ZNF536: variants seen among roughly 807,000 people sequenced by gnomAD.
The protein encoded by ZNF536 is zinc finger protein 536.
A neutral mutation model predicts 84.5 loss-of-function variants in ZNF536; 13 were observed. That is an observed-to-expected ratio of 0.15 (90% CI 0.10 to 0.24). The LOEUF is 0.24. ZNF536 is among the 10% of genes least tolerant of loss of function. The pLI, the probability that ZNF536 is intolerant of heterozygous loss-of-function variation, is 1.00. For missense variants in ZNF536, 1,536 were observed against 1,747.5 expected (o/e 0.88, Z 2.16); for synonymous variants, 811 against 742.5 (o/e 1.09, Z -1.50).
intron 2 of ZNF536, among the ~76,000 whole-genome samples, chr19:30,515,136 C>T (rs904201325): frequency 6.6e-6 from 1 of 152,126 alleles, no homozygotes; most frequent in Non-Finnish European, 1.5e-5. Flanking sequence ...GTGACTCACA[C>T]CTGTAGTCCC....
chr19:30,439,959 C>CTTTTTTTTTTTTTTTTTTTTTTTTTTTTT (rs199638233), intron 1 of ZNF536, among the ~76,000 whole-genome samples: 2 of 96,396 alleles, frequency 2.1e-5, no homozygotes, highest in Non-Finnish European at 2.0e-5. Context: ...TTCTTTCTTT[C>CTTTTTTTTTTTTTTTTTTTTTTTTTTTTT]TTTTTTTTTT....
At chr19:30,496,270 C>T (rs1428282067) in intron 2 of ZNF536, among the ~76,000 whole-genome samples, 16 of 152,124 alleles carry the variant, frequency 1.1e-4, no homozygotes. Context: ...TCTGAGTTCT[C>T]GACTTGTCAA....
At chr19:30,471,007 G>A (rs1344803051) in intron 2 of ZNF536, among the ~76,000 whole-genome samples, 2 of 144,628 alleles carry the variant, frequency 1.4e-5, no homozygotes, top group African/African-American at 2.6e-5. Context: ...TTTTTTTAGA[G>A]ATTGGGTCTC....
chr19:30,454,435 C>T (rs923630056), intron 2 of ZNF536, among the ~76,000 whole-genome samples: 6 of 152,202 alleles, frequency 3.9e-5, no homozygotes, highest in Non-Finnish European at 7.3e-5. Context: ...AACATGTTAA[C>T]GTTGAGTTCA....
At chr19:30,284,871 ATT>A (rs5827700) in intron 2 of ZNF536, among the ~76,000 whole-genome samples, 1 of 151,432 alleles carries the variant, frequency 6.6e-6, no homozygotes, top group African/African-American at 2.4e-5. Flanking sequence ...CTGAATATAT[ATT>A]TTTTTTTATT....
At chr19:30,453,269 G>A (rs914631256) in intron 2 of ZNF536, among the ~76,000 whole-genome samples, 4 of 152,198 alleles carry the variant, frequency 2.6e-5, no homozygotes, top group East Asian at 1.9e-4. Context: ...CACCTGAGCC[G>A]GGCTGGGTTT....
chr19:30,472,863 T>C (rs2053693207), intron 2 of ZNF536, among the ~76,000 whole-genome samples: 2 of 152,024 alleles, frequency 1.3e-5, no homozygotes, highest in Admixed American at 1.3e-4. Context: ...TGGACCGATC[T>C]GATTCTGCCC....
At chr19:30,436,387 C>A in intron 1 of ZNF536, 2 of 546,238 alleles carry the variant, frequency 3.7e-6, no homozygotes, top group Non-Finnish European at 2.3e-6. Flanking sequence ...GCAAATAAAC[C>A]ACTCAGTATC....
intron 3 of ZNF536, among the ~76,000 whole-genome samples, chr19:30,547,455 A>T (rs1462663564): frequency 6.6e-6 from 1 of 152,222 alleles, no homozygotes. Flanking sequence ...ACTGCAGAGC[A>T]AGACTTAAAT....
chr19:30,297,908 C>A (rs931076748), intron 2 of ZNF536, among the ~76,000 whole-genome samples: 14 of 150,052 alleles, frequency 9.3e-5, no homozygotes, highest in Non-Finnish European at 1.9e-4. Context: ...CGGAGTCCCC[C>A]CCCCCTCTGT....
At chr19:30,515,549 G>C (rs564627344) in intron 2 of ZNF536, among the ~76,000 whole-genome samples, 2 of 152,284 alleles carry the variant, frequency 1.3e-5, no homozygotes, top group African/African-American at 4.8e-5. Flanking sequence ...ATCTCAGACA[G>C]CGCTCTATGA....
At chr19:30,705,952 A>T (rs192853777) in intron 1 of ZNF536, among the ~76,000 whole-genome samples, 1 of 152,330 alleles carries the variant, frequency 6.6e-6, no homozygotes, top group Admixed American at 6.5e-5. Flanking sequence ...GGATAAAATC[A>T]TGATTAATAT....
chr19:30,610,472 C>T (rs1314582346), intron 1 of ZNF536, among the ~76,000 whole-genome samples: 1 of 152,190 alleles, frequency 6.6e-6, no homozygotes, highest in East Asian at 1.9e-4. Context: ...CTGTGGATGG[C>T]TGCTCCATCA....
intron 1 of ZNF536, among the ~76,000 whole-genome samples, chr19:30,702,355 A>G (rs189401347): frequency 1.6e-3 from 243 of 152,310 alleles, no homozygotes; most frequent in African/African-American, 5.6e-3. Context: ...CGCAGCGACA[A>G]TACAAATTAA....
chr19:30,477,166 T>C (rs975704010), intron 2 of ZNF536, among the ~76,000 whole-genome samples: 1 of 152,224 alleles, frequency 6.6e-6, no homozygotes, highest in African/African-American at 2.4e-5. Context: ...ATCTTGGTTG[T>C]GCCCTTATTC....
chr19:30,279,155 T>C (rs1178452489), intron 1 of ZNF536, among the ~76,000 whole-genome samples: 1 of 152,248 alleles, frequency 6.6e-6, no homozygotes, highest in East Asian at 1.9e-4. Flanking sequence ...TGTTGCTTCC[T>C]TAGAGAGGTC....
chr19:30,242,541 C>A (rs2024010769), intron 1 of ZNF536, among the ~76,000 whole-genome samples: 2 of 152,198 alleles, frequency 1.3e-5, no homozygotes, highest in South Asian at 4.1e-4. Context: ...TCCCTCCATC[C>A]TTTTCCATCC....
At chr19:30,605,123 G>A (rs539279181) in intron 1 of ZNF536, among the ~76,000 whole-genome samples, 2 of 152,306 alleles carry the variant, frequency 1.3e-5, no homozygotes, top group African/African-American at 4.8e-5. Flanking sequence ...ACATGTTCCT[G>A]CCATTGATGC....
intron 2 of ZNF536, among the ~76,000 whole-genome samples, chr19:30,507,645 A>G (rs2145450849): frequency 6.6e-6 from 1 of 152,352 alleles, no homozygotes; most frequent in East Asian, 1.9e-4. Flanking sequence ...GTATTTAAAA[A>G]GGGAAATGAA....
Sources: gnomAD v4.1 joint callset for allele counts (sites outside exome capture counted in the v4.1 genomes callset) on GRCh38, gnomAD v4.1.1 for gene constraint, MANE v1.5 for transcripts, NCBI Gene and HGNC (gene_info 2026-07-23, HGNC 2026-07-21) for gene names.